The following FGFR3 variants were observed in gnomAD, a reference collection of about 807,000 sequenced individuals.
FGFR3 encodes the protein fibroblast growth factor receptor 3.
Under a neutral mutation model 82.9 loss-of-function variants are expected in FGFR3, and 25 were observed. That is an observed-to-expected ratio of 0.30 (90% CI 0.22 to 0.42). The LOEUF is 0.42. Ranked by LOEUF, FGFR3 falls within the 10% of genes least tolerant of loss-of-function variation. The pLI is 1.00. For synonymous variants in FGFR3, 620 were observed against 516.0 expected (o/e 1.20, Z -2.73); for missense variants, 1,026 against 1,161.0 (o/e 0.88, Z 1.69).
chr4:1,795,765 C>G (rs1161003735), intron 2 of FGFR3, among the ~76,000 whole-genome samples: 1 of 152,126 alleles, frequency 6.6e-6, no homozygotes, highest in Non-Finnish European at 1.5e-5. Flanking sequence ...TACACAAGGT[C>G]GGCTCTCCCA....
Position 1,804,355 on chromosome 4 carries a change from C to A in FGFR3, c.1101C>A (p.Asp367Glu). The change falls in exon 9 of 18, where the codon GAC becomes GAA. Residue 367 changes from aspartate to glutamate, a missense_variant. This residue lies in a region of FGFR3 where 256 missense variants were observed against 217.6 expected (regional missense o/e 1.18). Transcript: ENST00000440486. ...LPAEEELVEA[D>E]EAGSVYAGIL... is the part of the protein sequence containing the mutation. ...CCGAGGAGGAGCTGGTGGAGGCTGA[C>A]GAGGCGGGCAGTGTGTATGCAGGCA... 6.2e-7 allele frequency: 1 copy of A among 1,610,828 alleles called. No individual in the cohort carries two copies. The highest frequency in any genetic ancestry group is 8.5e-7 in the Non-Finnish European group (1 of 1,178,732).
At chr4:1,804,614 CCT>C (rs1189268403) in intron 9 of FGFR3, 94 bp downstream of exon 9, 2 of 1,545,764 alleles carry the variant, frequency 1.3e-6, no homozygotes, top group South Asian at 1.1e-5. Flanking sequence ...CTGTGTGAGC[CCT>C]CTCTGCAGCC....
chr4:1,798,559 C>T (rs13121632), intron 2 of FGFR3, among the ~76,000 whole-genome samples: 1 of 151,574 alleles, frequency 6.6e-6, no homozygotes, highest in Non-Finnish European at 1.5e-5. Context: ...CCCCCTCGCG[C>T]TGCTCCGGCC....
intron 2 of FGFR3, among the ~76,000 whole-genome samples, chr4:1,795,069 C>T (rs970083108): frequency 6.6e-6 from 1 of 151,674 alleles, no homozygotes; most frequent in East Asian, 1.9e-4. Context: ...GCCCGCGCCC[C>T]CGCGCCCCTT....
At position 1,794,515 on chromosome 4, in the gene FGFR3, C is replaced by G. The variant is rs1689147416; in HGVS notation, c.109+472C>G. On this transcript the variant is annotated intron_variant, in intron 2 of 17. Coordinates refer to ENST00000440486, the MANE Select transcript of FGFR3 (RefSeq NM_000142.5). ...GCGCGTCAGCGAAGCCCGGCCCCTG[C>G]CCGCCCGAAGAGGCAGCAGCCTCCA... is the stretch of plus-strand genomic sequence containing the variant. 3.3e-5 allele frequency among the ~76,000 whole-genome samples: 5 copies of G among 152,328 alleles called. No homozygotes were observed. In the South Asian group the frequency reaches 1.0e-3, roughly 32 times the overall value.
Position 1,804,807 on chromosome 4 carries a change from C to T in FGFR3, c.1267-17C>T, listed in dbSNP as rs888245970. ...GTCGCCCACGCGGCGCCAACCTGCCCCTGCTGACCCAAGCAGGTGTCCCTG... is the reference window on the plus strand; with the variant it reads ...GTCGCCCACGCGGCGCCAACCTGCCTCTGCTGACCCAAGCAGGTGTCCCTG... On this transcript the variant is annotated splice_polypyrimidine_tract_variant and intron_variant, in intron 9 of 17. Transcript: ENST00000440486. 2 of 1,549,374 alleles carry T rather than the reference C, an allele frequency of 1.3e-6. No homozygotes were observed. The highest frequency in any genetic ancestry group is 8.7e-7 in the Non-Finnish European group (1 of 1,146,924).
intron 5 of FGFR3, 31 bp from the exon 6 acceptor site, chr4:1,801,589 C>A (rs535170711): frequency 1.3e-6 from 2 of 1,592,082 alleles, no homozygotes; most frequent in African/African-American, 2.7e-5. Context: ...TTGCTGCCTC[C>A]GCTCACTCAC....
intron 16 of FGFR3, 28 bp downstream of exon 16, chr4:1,806,711 G>T (rs767600430): frequency 6.2e-7 from 1 of 1,610,672 alleles, no homozygotes; most frequent in Non-Finnish European, 8.5e-7. Flanking sequence ...CCCTCCACTG[G>T]GTCCTCAGGG....
chr4:1,802,896 G>T (rs778937929), intron 7 of FGFR3: 2 of 1,578,354 alleles, frequency 1.3e-6, no homozygotes, highest in Admixed American at 1.8e-5. Context: ...GCCTGAGCCG[G>T]GTCTCTTGTC....
intron 16 of FGFR3, 34 bp downstream of exon 16, chr4:1,806,717 CAG>C (rs762604739): frequency 3.9e-5 from 62 of 1,610,258 alleles, no homozygotes; most frequent in East Asian, 3.3e-4. Context: ...ACTGGGTCCT[CAG>C]GGGTGGGGGT....
At chr4:1,796,634 C>G (rs1020948960) in intron 2 of FGFR3, among the ~76,000 whole-genome samples, 1 of 152,138 alleles carries the variant, frequency 6.6e-6, no homozygotes, top group African/African-American at 2.4e-5. Flanking sequence ...GCAAGGCTCC[C>G]CCATCCTCTC....
At chr4:1,796,041 A>T (rs1366022471) in intron 2 of FGFR3, among the ~76,000 whole-genome samples, 1 of 152,090 alleles carries the variant, frequency 6.6e-6, no homozygotes, top group East Asian at 1.9e-4. Flanking sequence ...GCTGAGCTTG[A>T]GTGGGAGCCC....
chr4:1,798,352 A>AC (rs1426160371), intron 2 of FGFR3, among the ~76,000 whole-genome samples: 2 of 147,034 alleles, frequency 1.4e-5, no homozygotes, highest in Non-Finnish European at 1.5e-5. Context: ...GCAGGACTCC[A>AC]CCCCCCGGCC....
chr4:1,793,766 A>C (rs1720121276), intron 1 of FGFR3, 67 bp from the exon 2 acceptor site: 1 of 159,866 alleles, frequency 6.3e-6, no homozygotes, highest in Non-Finnish European at 1.3e-5. Flanking sequence ...GTCGGGACGC[A>C]GGAGCCGGCC....
rs758829195 is a variant in FGFR3, at chr4:1,806,528, C to T, written c.2031-18C>T. On this transcript the variant is annotated intron_variant, in intron 15 of 17. Coordinates refer to ENST00000440486, the MANE Select transcript of FGFR3 (RefSeq NM_000142.5). ...TCCTGGGAGTCTCAGGACAGCCTGACCTCACCTTCCCCTGCAGCTGGTCCT... is the reference window on the plus strand; with the variant it reads ...TCCTGGGAGTCTCAGGACAGCCTGATCTCACCTTCCCCTGCAGCTGGTCCT... The T allele has an allele frequency of 6.2e-7, 1 of 1,612,896 alleles. No homozygotes were observed. The highest frequency in any genetic ancestry group is 1.1e-5 in the South Asian group (1 of 91,084).
chr4:1,804,961 T>G lies in FGFR3; in HGVS notation c.1404T>G (p.Ser468=), dbSNP rs1391284081. ...ELPADPKWEL[S]RARLTLGKPL... Reference sequence around the variant, plus strand: ...CTGCCGACCCCAAATGGGAGCTGTCTCGGGCCCGGTCAGTGGTGCTGAGGG... The same window carrying G: ...CTGCCGACCCCAAATGGGAGCTGTCGCGGGCCCGGTCAGTGGTGCTGAGGG... The change falls in exon 10 of 18, where the codon TCT becomes TCG. Residue 468 remains serine (S), a synonymous_variant. Coordinates refer to ENST00000440486, the MANE Select transcript of FGFR3 (RefSeq NM_000142.5). 6.5e-7 allele frequency: 1 copy of G among 1,549,586 alleles called. No homozygotes were observed. Among genetic ancestry groups the G allele is most frequent in the East Asian group, 2.4e-5 (1 of 41,212 alleles).
chr4:1,801,214 T>C (rs1196877471), intron 4 of FGFR3, among the ~76,000 whole-genome samples, 153 bp from the exon 5 acceptor site: 3 of 152,180 alleles, frequency 2.0e-5, no homozygotes, highest in Admixed American at 1.3e-4. Flanking sequence ...GGACAAGATG[T>C]GGAGGCTCCT....
At chr4:1,805,265 T>C in intron 10 of FGFR3, 90 bp from the exon 11 acceptor site, 2 of 1,587,316 alleles carry the variant, frequency 1.3e-6, no homozygotes, top group Non-Finnish European at 1.7e-6. Flanking sequence ...GCTCTGGGCC[T>C]CAAGGGCTGG....
At position 1,802,895 on chromosome 4, in the gene FGFR3, G is replaced by A. The variant is rs757089132; in HGVS notation, c.931-797G>A. ...GCTGCCTCGGGGGCGTGCCTGAGCC[G>A]GGTCTCTTGTCCCCGCAGTCCTGGA... On this transcript the variant is annotated intron_variant, in intron 7 of 17. Coordinates refer to ENST00000440486, the MANE Select transcript of FGFR3 (RefSeq NM_000142.5). 3.6e-5 allele frequency: 56 copies of A among 1,576,556 alleles called. No homozygotes were observed. The highest frequency in any genetic ancestry group is 1.7e-4 in the Middle Eastern group (1 of 5,978).
Sources: gnomAD v4.1 joint callset for allele counts (sites outside exome capture counted in the v4.1 genomes callset) on GRCh38, gnomAD v4.1.1 for gene constraint, gnomAD v4.1.1 regional missense constraint, MANE v1.5 for transcripts, NCBI Gene and HGNC (gene_info 2026-07-23, HGNC 2026-07-21) for gene names.